The following ZC3H7B variants were observed in gnomAD, a reference collection of about 807,000 sequenced individuals.
ZC3H7B encodes zinc finger CCCH domain-containing protein 7B.
Under a neutral mutation model 116.0 loss-of-function variants are expected in ZC3H7B, and 35 were observed. The ratio of observed to expected loss-of-function variants is 0.30; its 90% CI spans 0.23 to 0.40. ZC3H7B has a LOEUF of 0.40. Among genes scored for constraint, ZC3H7B ranks in the 10% least tolerant of loss-of-function variants. ZC3H7B has a pLI of 1.00. For synonymous variants in ZC3H7B, 502 were observed against 545.6 expected, an observed-to-expected ratio of 0.92 and a Z score of 1.11; for missense variants, 1,011 against 1,321.5, an observed-to-expected ratio of 0.77 and a Z score of 3.64.
At chr22:41,315,941 A>T (rs1177579380) in intron 1 of ZC3H7B, among the ~76,000 whole-genome samples, 2 of 152,132 alleles carry the variant, frequency 1.3e-5, no homozygotes, top group Non-Finnish European at 2.9e-5. Flanking sequence ...CATCCCCCCA[A>T]ATTCACGACC....
chr22:41,312,156 C>CAA (rs57597464), intron 1 of ZC3H7B, among the ~76,000 whole-genome samples: 28 of 88,920 alleles, frequency 3.1e-4, no homozygotes, highest in African/African-American at 1.0e-3. Context: ...GACTCCGTCT[C>CAA]AAAAAAAAAA....
chr22:41,340,100 G>A lies in ZC3H7B; in HGVS notation c.1101G>A (p.Ser367=), dbSNP rs754634102. ...TGGATGCACTCGACAGCTTTGGGTCGACACGAGGCTCCCTGGACAAACCTG... is the reference window on the plus strand; with the variant it reads ...TGGATGCACTCGACAGCTTTGGGTCAACACGAGGCTCCCTGGACAAACCTG... ...TRLDALDSFG[S]TRGSLDKPDS... Residue 367 remains serine (S), a synonymous_variant, in exon 10 of 23, where the codon TCG becomes TCA. Transcript: ENST00000352645. The A allele has an allele frequency of 1.8e-5, 29 of 1,611,082 alleles. No individual in the cohort carries two copies. Among genetic ancestry groups the A allele is most frequent in the Non-Finnish European group, 2.2e-5 (26 of 1,179,382 alleles).
intron 2 of ZC3H7B, among the ~76,000 whole-genome samples, chr22:41,322,180 A>T (rs2036266306): frequency 6.7e-6 from 1 of 148,372 alleles, no homozygotes; most frequent in African/African-American, 2.5e-5. Flanking sequence ...GAGCACCCAC[A>T]TGCCACACTT....
chr22:41,315,945 C>A (rs1601766105), intron 1 of ZC3H7B, among the ~76,000 whole-genome samples: 1 of 152,020 alleles, frequency 6.6e-6, no homozygotes, highest in African/African-American at 2.4e-5. Flanking sequence ...CCCCCAAATT[C>A]ACGACCTTAT....
intron 1 of ZC3H7B, among the ~76,000 whole-genome samples, chr22:41,305,281 C>G (rs1169953760): frequency 2.0e-5 from 3 of 150,746 alleles, no homozygotes; most frequent in Non-Finnish European, 4.4e-5. Flanking sequence ...GGAGGCGGAG[C>G]TTGCAGTGAG....
chr22:41,352,713 G>A (rs1180963217), intron 17 of ZC3H7B, among the ~76,000 whole-genome samples: 2 of 151,872 alleles, frequency 1.3e-5, no homozygotes, highest in Admixed American at 1.3e-4. Flanking sequence ...AGTGAGCTGA[G>A]ATCACGCTGT....
At chr22:41,310,351 G>A (rs2145898036) in intron 1 of ZC3H7B, among the ~76,000 whole-genome samples, 1 of 152,318 alleles carries the variant, frequency 6.6e-6, no homozygotes, top group South Asian at 2.1e-4. Context: ...TGTCAGGTGT[G>A]TATCATCATC....
intron 2 of ZC3H7B, among the ~76,000 whole-genome samples, chr22:41,322,644 C>T (rs552146598): frequency 1.3e-5 from 2 of 152,276 alleles, no homozygotes; most frequent in Non-Finnish European, 2.9e-5. Context: ...GAGCCCCTTC[C>T]GAGGCCCTGG....
At position 41,302,822 on chromosome 22, in the gene ZC3H7B, C is replaced by G. The variant is rs1395922071; in HGVS notation, c.-7+1050C>G. On this transcript the variant is annotated intron_variant, in intron 1 of 22. Coordinates refer to ENST00000352645, the MANE Select transcript of ZC3H7B (RefSeq NM_017590.6). The surrounding 1 kb of genome is among the most constrained non-coding windows in gnomAD (Gnocchi z 5.7). ...ACGGGGAAGACTAGGGGGCTAGGGCCCTGCGTGGGGAGTCTGGGGGCTCTA... is the reference window on the plus strand; with the variant it reads ...ACGGGGAAGACTAGGGGGCTAGGGCGCTGCGTGGGGAGTCTGGGGGCTCTA... Among the ~76,000 whole-genome samples, 1 of 151,348 alleles carries G rather than the reference C, an allele frequency of 6.6e-6. No homozygotes were observed. The highest frequency in any genetic ancestry group is 2.4e-5 in the African/African-American group (1 of 41,158).
intron 4 of ZC3H7B, among the ~76,000 whole-genome samples, chr22:41,326,994 C>G (rs868775754): frequency 1.3e-5 from 2 of 152,242 alleles, no homozygotes; most frequent in Non-Finnish European, 2.9e-5. Context: ...GCAGCCCCAT[C>G]AGCTGGACAC....
intron 11 of ZC3H7B, among the ~76,000 whole-genome samples, chr22:41,341,692 G>T (rs1464941329): frequency 2.6e-5 from 4 of 152,038 alleles, no homozygotes; most frequent in Non-Finnish European, 5.9e-5. Flanking sequence ...GCAGTGAGCC[G>T]AGATCGCGCC....
At chr22:41,303,968 A>G (rs1202863273) in intron 1 of ZC3H7B, among the ~76,000 whole-genome samples, 1 of 152,216 alleles carries the variant, frequency 6.6e-6, no homozygotes, top group Non-Finnish European at 1.5e-5. Flanking sequence ...CGTGTTAGCC[A>G]GGATGGTCTT....
At chr22:41,332,266 A>G in intron 7 of ZC3H7B, 39 bp downstream of exon 7, 4 of 1,612,358 alleles carry the variant, frequency 2.5e-6, no homozygotes, top group South Asian at 1.1e-5. Context: ...CAGTTTATCC[A>G]TTATGAGAGG....
intron 7 of ZC3H7B, chr22:41,334,189 G>T (rs1247182924): frequency 6.6e-6 from 1 of 152,242 alleles, no homozygotes; most frequent in Non-Finnish European, 1.5e-5. Flanking sequence ...CATTTATTCG[G>T]AAGGTATTTA....
intron 2 of ZC3H7B, among the ~76,000 whole-genome samples, chr22:41,323,824 A>G (rs1033212422): frequency 6.6e-6 from 1 of 152,182 alleles, no homozygotes; most frequent in Non-Finnish European, 1.5e-5. Flanking sequence ...TAATCCCAGC[A>G]CTTTGGGAGG....
chr22:41,343,344 G>T, intron 12 of ZC3H7B, 71 bp from the exon 13 acceptor site: 3 of 1,543,360 alleles, frequency 1.9e-6, no homozygotes, highest in South Asian at 2.5e-5. Context: ...CCTACCCACC[G>T]CATGGGCCTG....
At chr22:41,354,324 C>T (rs1601797455) in intron 17 of ZC3H7B, among the ~76,000 whole-genome samples, 1 of 152,340 alleles carries the variant, frequency 6.6e-6, no homozygotes, top group Middle Eastern at 3.4e-3. Context: ...TGCAGGCCGT[C>T]CCACGCGTAA....
intron 1 of ZC3H7B, among the ~76,000 whole-genome samples, chr22:41,318,549 A>G (rs1312885435): frequency 2.1e-5 from 3 of 140,222 alleles, no homozygotes; most frequent in Non-Finnish European, 4.7e-5. Context: ...AAAAAAAAAG[A>G]CCAGCCTGGG....
intron 1 of ZC3H7B, among the ~76,000 whole-genome samples, chr22:41,310,641 T>C (rs1262013304): frequency 6.6e-6 from 1 of 152,262 alleles, no homozygotes; most frequent in African/African-American, 2.4e-5. Flanking sequence ...CTCTAAGCTC[T>C]GGGTGATTCT....
Sources: gnomAD v4.1 joint callset for allele counts (sites outside exome capture counted in the v4.1 genomes callset) on GRCh38, gnomAD v4.1.1 for gene constraint, Gnocchi (gnomAD v3.1) non-coding constraint, MANE v1.5 for transcripts, NCBI Gene and HGNC (gene_info 2026-07-23, HGNC 2026-07-21) for gene names.